Variants in ZNF385D observed in about 807,000 individuals in gnomAD.
ZNF385D encodes the protein zinc finger protein 385D.
In ZNF385D, 15 loss-of-function variants were observed where a neutral mutation model predicts 35.8. The ratio of observed to expected loss-of-function variants is 0.42; its 90% CI spans 0.28 to 0.64. ZNF385D has a LOEUF of 0.64. ZNF385D is among the 30% of genes least tolerant of loss of function. ZNF385D has a pLI of 0.23. For synonymous variants in ZNF385D, 212 were observed against 186.8 expected (o/e 1.13, Z -1.10); for missense variants, 474 against 494.6 (o/e 0.96, Z 0.39).
chr3:22,159,660 A>G (rs932770064), intron 3 of ZNF385D, among the ~76,000 whole-genome samples: 1 of 152,124 alleles, frequency 6.6e-6, no homozygotes, highest in African/African-American at 2.4e-5. Flanking sequence ...ATTGGTAACA[A>G]AAGCCAGAAA....
At chr3:21,809,677 C>T (rs1379924691) in intron 3 of ZNF385D, among the ~76,000 whole-genome samples, 2 of 150,422 alleles carry the variant, frequency 1.3e-5, no homozygotes, top group Non-Finnish European at 1.5e-5. Flanking sequence ...CATATATACA[C>T]ACATATATAC....
intron 3 of ZNF385D, among the ~76,000 whole-genome samples, chr3:21,805,836 A>G (rs757879825): frequency 1.4e-4 from 22 of 152,220 alleles, no homozygotes; most frequent in Non-Finnish European, 2.5e-4. Context: ...AGCTTCGAGC[A>G]TGGGATCTCA....
intron 2 of ZNF385D, among the ~76,000 whole-genome samples, chr3:22,220,055 TCTTC>T (rs1698156973): frequency 1.3e-5 from 2 of 151,692 alleles, no homozygotes; most frequent in Admixed American, 1.3e-4. Flanking sequence ...CTATTTTCTT[TCTTC>T]CTTTTTTTTT....
chr3:22,135,828 C>A (rs1354118323), intron 3 of ZNF385D, among the ~76,000 whole-genome samples: 3 of 152,140 alleles, frequency 2.0e-5, no homozygotes, highest in Non-Finnish European at 4.4e-5. Flanking sequence ...TTGACCCACA[C>A]AAGTACAGCC....
At chr3:22,180,002 G>C (rs1014738878) in intron 2 of ZNF385D, among the ~76,000 whole-genome samples, 3 of 152,126 alleles carry the variant, frequency 2.0e-5, no homozygotes, top group African/African-American at 7.2e-5. Flanking sequence ...CCAGGAGCTG[G>C]TTTTTTGAAA....
chr3:21,724,493 A>C lies in ZNF385D; in HGVS notation c.22+26402T>G, dbSNP rs1429210530. 6.1e-4 allele frequency among the ~76,000 whole-genome samples: 38 copies of C among 61,832 alleles called. 2 individuals are homozygous for C. Among genetic ancestry groups the C allele is most frequent in the South Asian group, 3.1e-3 (4 of 1,270 alleles). 40.6% of individuals were successfully genotyped at this position (61,832 alleles called of 152,430 possible). A position where few individuals can be genotyped will look rare whatever the true frequency, so the allele number is the denominator to read the frequency against. The stretch of plus-strand genomic sequence containing the variant: ...ATGGAAAGCCAAAAAAAAAAAAAAA[A>C]AAAAAAAAAAAAAAAAAAAAAAAAA... On this transcript the variant is annotated intron_variant, in intron 1 of 7. Transcript: ENST00000281523.
intron 4 of ZNF385D, among the ~76,000 whole-genome samples, chr3:21,452,264 G>A (rs1359312001): frequency 6.6e-6 from 1 of 151,942 alleles, no homozygotes; most frequent in South Asian, 2.1e-4. Flanking sequence ...CAAAGTAGAG[G>A]TTAGATCACA....
intron 2 of ZNF385D, among the ~76,000 whole-genome samples, chr3:22,272,807 T>C (rs1231288271): frequency 2.0e-5 from 3 of 152,048 alleles, no homozygotes; most frequent in African/African-American, 7.2e-5. Flanking sequence ...ATCTTACATA[T>C]CTGTATCTTT....
chr3:21,934,771 T>G (rs887003755), intron 3 of ZNF385D, among the ~76,000 whole-genome samples: 1 of 152,220 alleles, frequency 6.6e-6, no homozygotes, highest in African/African-American at 2.4e-5. Context: ...CTGCTTTGGC[T>G]GGCAGCTTGA....
chr3:21,761,339 A>G (rs990314003), intron 3 of ZNF385D, among the ~76,000 whole-genome samples: 1 of 152,202 alleles, frequency 6.6e-6, no homozygotes, highest in Admixed American at 6.5e-5. Context: ...AGACCTCTAA[A>G]TTTGGGGTAA....
At chr3:21,785,742 GTATC>G (rs2125646547) in intron 3 of ZNF385D, among the ~76,000 whole-genome samples, 1 of 152,292 alleles carries the variant, frequency 6.6e-6, no homozygotes, top group African/African-American at 2.4e-5. Context: ...CACCTGTTAA[GTATC>G]TATTTCATCC....
In ZNF385D at chr3:21,420,229, T is replaced by A. The variant is rs779669393; in HGVS notation, c.*985A>T. 3 of 152,198 alleles carry A rather than the reference T, an allele frequency of 2.0e-5. No homozygotes were observed. The highest frequency in any genetic ancestry group is 4.8e-5 in the African/African-American group (2 of 41,456). 9.4% of individuals were successfully genotyped at this position (152,198 alleles called of 1,614,324 possible). Reference sequence around the variant, plus strand: ...TGATATAAAGGGGATACTGCAGAGATGCAACATTCTCCGTTTTTACTGGAT... The same window carrying A: ...TGATATAAAGGGGATACTGCAGAGAAGCAACATTCTCCGTTTTTACTGGAT... On this transcript the variant is annotated 3_prime_UTR_variant, in exon 8 of 8. Coordinates refer to ENST00000281523, the MANE Select transcript of ZNF385D (RefSeq NM_024697.3).
At chr3:21,483,803 T>C (rs1224253478) in intron 4 of ZNF385D, among the ~76,000 whole-genome samples, 1 of 152,208 alleles carries the variant, frequency 6.6e-6, no homozygotes, top group East Asian at 1.9e-4. Flanking sequence ...AAGTACTTTT[T>C]ATATATTCTA....
chr3:21,474,707 T>C (rs1299415930), intron 4 of ZNF385D, among the ~76,000 whole-genome samples: 1 of 152,144 alleles, frequency 6.6e-6, no homozygotes, highest in Non-Finnish European at 1.5e-5. Flanking sequence ...CTTAAATATG[T>C]ATCAAATATT....
chr3:21,751,301 C>A (rs2125557476), upstream of ZNF385D: 1 of 1,092,434 alleles, frequency 9.2e-7, no homozygotes, highest in Non-Finnish European at 1.1e-6. Context: ...CTGCCTGGAC[C>A]AACCATGGCT....
At chr3:21,619,726 A>G (rs936292926) in intron 2 of ZNF385D, among the ~76,000 whole-genome samples, 7 of 152,098 alleles carry the variant, frequency 4.6e-5, no homozygotes, top group African/African-American at 1.7e-4. Context: ...CTGAGGGACT[A>G]ATGGTGGGGA....
intron 3 of ZNF385D, among the ~76,000 whole-genome samples, chr3:21,817,513 A>T (rs897866563): frequency 1.3e-5 from 2 of 152,232 alleles, no homozygotes; most frequent in Non-Finnish European, 2.9e-5. Context: ...AAGTGGGTGA[A>T]GGATATGAAC....
intron 3 of ZNF385D, among the ~76,000 whole-genome samples, chr3:22,032,574 A>G (rs1389844700): frequency 6.6e-6 from 1 of 152,142 alleles, no homozygotes; most frequent in Non-Finnish European, 1.5e-5. Context: ...CCCTATATAT[A>G]TGGTCCTAAG....
At chr3:22,301,603 C>T (rs1702905503) in intron 2 of ZNF385D, among the ~76,000 whole-genome samples, 1 of 151,842 alleles carries the variant, frequency 6.6e-6, no homozygotes, top group South Asian at 2.1e-4. Flanking sequence ...GAGGTAAAAA[C>T]GTTCAGACAT....
Sources: gnomAD v4.1 joint callset for allele counts (sites outside exome capture counted in the v4.1 genomes callset) on GRCh38, gnomAD v4.1.1 for gene constraint, MANE v1.5 for transcripts, NCBI Gene and HGNC (gene_info 2026-07-23, HGNC 2026-07-21) for gene names.